The following STK32A variants were observed in gnomAD, a reference collection of about 807,000 sequenced individuals.
STK32A encodes serine/threonine-protein kinase 32A.
A neutral mutation model predicts 53.2 loss-of-function variants in STK32A; 41 were observed. That is an observed-to-expected ratio of 0.77 (90% CI 0.60 to 1.00). The LOEUF (loss-of-function observed/expected upper bound fraction) is 1.00. Ranked by LOEUF, STK32A falls within the 50% of genes least tolerant of loss-of-function variation. The pLI, the probability that STK32A is intolerant of heterozygous loss-of-function variation, is 0.00. For missense variants in STK32A, 458 were observed against 485.8 expected (o/e 0.94, Z 0.54); for synonymous variants, 166 against 162.8 (o/e 1.02, Z -0.15).
At chr5:147,343,313 C>G in intron 6 of STK32A, 2 of 629,620 alleles carry the variant, frequency 3.2e-6, no homozygotes, top group Non-Finnish European at 2.9e-6. Flanking sequence ...TTCAAGAAAA[C>G]CATCACAACT....
chr5:147,278,321 T>C (rs1269032756), intron 3 of STK32A, 142 bp downstream of exon 3: 4 of 729,724 alleles, frequency 5.5e-6, no homozygotes, highest in Non-Finnish European at 9.1e-6. Context: ...TGGATTTTTA[T>C]AAAATTGTCA....
At chr5:147,290,721 C>A (rs763956170) in intron 4 of STK32A, among the ~76,000 whole-genome samples, 12 of 152,128 alleles carry the variant, frequency 7.9e-5, no homozygotes, top group Non-Finnish European at 1.3e-4. Flanking sequence ...GTGACAAGGT[C>A]CTTTCAGACT....
chr5:147,262,955 T>A (rs933434714), intron 2 of STK32A, among the ~76,000 whole-genome samples: 2 of 152,032 alleles, frequency 1.3e-5, no homozygotes, highest in Non-Finnish European at 1.5e-5. Flanking sequence ...TTTGGATATC[T>A]ATTTAAAAAC....
At chr5:147,286,146 C>T (rs1487305310) in intron 4 of STK32A, among the ~76,000 whole-genome samples, 1 of 151,992 alleles carries the variant, frequency 6.6e-6, no homozygotes, top group Admixed American at 6.6e-5. Context: ...AGATTGGAGA[C>T]TATTATTCTA....
intron 4 of STK32A, among the ~76,000 whole-genome samples, chr5:147,293,448 G>C: frequency 7.2e-6 from 1 of 138,020 alleles, no homozygotes. Context: ...TAACTTCTAG[G>C]GGACCTCATA....
chr5:147,314,256 G>A (rs1443481850), intron 4 of STK32A, among the ~76,000 whole-genome samples: 3 of 152,042 alleles, frequency 2.0e-5, no homozygotes, highest in African/African-American at 4.8e-5. Flanking sequence ...CCAGCAAATC[G>A]GGAGGCCAAG....
At chr5:147,237,078 C>T (rs894653462) in intron 1 of STK32A, among the ~76,000 whole-genome samples, 17 of 152,024 alleles carry the variant, frequency 1.1e-4, no homozygotes, top group African/African-American at 3.6e-4. Context: ...TTTGGGAGGC[C>T]GAGGTGGGTG....
At chr5:147,346,662 T>C (rs1397616860) in intron 6 of STK32A, among the ~76,000 whole-genome samples, 1 of 152,218 alleles carries the variant, frequency 6.6e-6, no homozygotes, top group Non-Finnish European at 1.5e-5. Flanking sequence ...GGGTGACTCC[T>C]GACCCACTAT....
At chr5:147,314,352 G>C (rs1048763666) in intron 4 of STK32A, among the ~76,000 whole-genome samples, 1 of 151,944 alleles carries the variant, frequency 6.6e-6, no homozygotes, top group African/African-American at 2.4e-5. Flanking sequence ...ATAAAAATTA[G>C]CTGGGTGTGG....
At chr5:147,267,937 A>C (rs17106354) in intron 2 of STK32A, among the ~76,000 whole-genome samples, 15,166 of 152,182 alleles carry the variant, frequency 0.1, 811 homozygotes, top group East Asian at 0.2. Flanking sequence ...CCCACCTTAG[A>C]ACTCCTATAA....
chr5:147,362,489 T>C (rs1259165234), intron 8 of STK32A, among the ~76,000 whole-genome samples: 1 of 152,152 alleles, frequency 6.6e-6, no homozygotes. Flanking sequence ...CCTTATTCCC[T>C]CTCAGAGGCT....
At chr5:147,363,600 A>G (rs1198609372) in intron 8 of STK32A, among the ~76,000 whole-genome samples, 1 of 152,176 alleles carries the variant, frequency 6.6e-6, no homozygotes, top group African/African-American at 2.4e-5. Flanking sequence ...GCACATGTTC[A>G]CAGCTGGATA....
Position 147,384,561 on chromosome 5 carries a change from A to C in STK32A, c.*578A>C, listed in dbSNP as rs1581161743. 1.4e-5 allele frequency: 10 copies of C among 734,554 alleles called. No individual in the cohort carries two copies. In the East Asian group the frequency reaches 2.9e-4, roughly 21 times the overall value. 45.5% of individuals were successfully genotyped at this position (734,554 alleles called of 1,614,324 possible). A position where few individuals can be genotyped will look rare whatever the true frequency, so the allele number is the denominator to read the frequency against. On this transcript the variant is annotated 3_prime_UTR_variant, in exon 13 of 13. Coordinates refer to ENST00000397936, the MANE Select transcript of STK32A (RefSeq NM_001112724.2). ...CTTCCAGTGATATGCGTGAATCAGC[A>C]TTAGATCCGCTTATCTCAGCTGGCA...
At chr5:147,308,962 T>C (rs1180700562) in intron 4 of STK32A, among the ~76,000 whole-genome samples, 2 of 150,338 alleles carry the variant, frequency 1.3e-5, no homozygotes, top group African/African-American at 4.9e-5. Flanking sequence ...TATTTATGTA[T>C]GTTATTTATT....
intron 8 of STK32A, among the ~76,000 whole-genome samples, chr5:147,366,668 G>A (rs919707895): frequency 2.0e-5 from 3 of 152,062 alleles, no homozygotes; most frequent in Non-Finnish European, 2.9e-5. Context: ...GAAAATGAAA[G>A]CAAAAATCAG....
intron 6 of STK32A, among the ~76,000 whole-genome samples, chr5:147,345,730 C>G (rs1581121146): frequency 6.6e-6 from 1 of 152,234 alleles, no homozygotes; most frequent in Admixed American, 6.5e-5. Context: ...CTGTTGCCTA[C>G]AGAATACAAG....
chr5:147,241,444 A>G (rs1753574319), intron 2 of STK32A, among the ~76,000 whole-genome samples: 1 of 152,120 alleles, frequency 6.6e-6, no homozygotes, highest in South Asian at 2.1e-4. Context: ...CGGCCACTGC[A>G]CTCCAGCCTG....
At chr5:147,242,102 A>G (rs148309759) in intron 2 of STK32A, among the ~76,000 whole-genome samples, 1 of 152,288 alleles carries the variant, frequency 6.6e-6, no homozygotes, top group Non-Finnish European at 1.5e-5. Flanking sequence ...TAGGGACCAG[A>G]CAGGTCTTTC....
chr5:147,286,506 G>A (rs1257887455), intron 4 of STK32A, among the ~76,000 whole-genome samples: 1 of 152,090 alleles, frequency 6.6e-6, no homozygotes, highest in African/African-American at 2.4e-5. Flanking sequence ...ATCAGTCCCA[G>A]TTTATGCAGC....
Sources: gnomAD v4.1 joint callset for allele counts (sites outside exome capture counted in the v4.1 genomes callset) on GRCh38, gnomAD v4.1.1 for gene constraint, MANE v1.5 for transcripts, NCBI Gene and HGNC (gene_info 2026-07-23, HGNC 2026-07-21) for gene names.